The following PTDSS1 variants were observed in gnomAD, a reference collection of about 807,000 sequenced individuals.
PTDSS1 encodes PSS-1.
A neutral mutation model predicts 70.5 loss-of-function variants in PTDSS1; 45 were observed. The ratio of observed to expected loss-of-function variants is 0.64; its 90% CI spans 0.50 to 0.82. PTDSS1 has a LOEUF of 0.82. Among genes scored for constraint, PTDSS1 ranks in the 40% least tolerant of loss-of-function variants. The probability of loss-of-function intolerance (pLI) is 0.00; values close to 1 mark genes in which losing one functional copy is unlikely to be tolerated. For synonymous variants in PTDSS1, 188 were observed against 203.8 expected (o/e 0.92, Z 0.66); for missense variants, 417 against 586.1 (o/e 0.71, Z 2.98).
intron 2 of PTDSS1, among the ~76,000 whole-genome samples, chr8:96,281,789 C>A (rs1442323960): frequency 6.6e-6 from 1 of 152,164 alleles, no homozygotes; most frequent in African/African-American, 2.4e-5. Flanking sequence ...AGCCTGGTGA[C>A]ACAGGAGGCT....
chr8:96,315,755 G>A (rs767923276), intron 9 of PTDSS1, among the ~76,000 whole-genome samples: 1 of 152,182 alleles, frequency 6.6e-6, no homozygotes, highest in Non-Finnish European at 1.5e-5. Context: ...CAAGATACAG[G>A]ATGGTGGATG....
chr8:96,273,703 TGTG>T lies in PTDSS1; in HGVS notation c.271+316_271+318del, dbSNP rs562330221. The stretch of plus-strand genomic sequence containing the variant: ...TGACAAATTATAAGCTCTCAATAAA[TGTG>T]GTTGTTTTTGTTGCTGTTTTTGTTA... On this transcript the variant is annotated intron_variant, in intron 2 of 12. Coordinates refer to ENST00000517309, the MANE Select transcript of PTDSS1 (RefSeq NM_014754.3). Among the ~76,000 whole-genome samples, 711 of 152,308 alleles carry T rather than the reference TGTG, an allele frequency of 4.7e-3. 3 individuals carry two copies. The highest frequency in any genetic ancestry group is 0.016 in the African/African-American group (661 of 41,554).
chr8:96,316,363 A>G (rs1300846207), intron 9 of PTDSS1, among the ~76,000 whole-genome samples: 1 of 152,218 alleles, frequency 6.6e-6, no homozygotes, highest in African/African-American at 2.4e-5. Context: ...TGTGGTACAT[A>G]GACACCATGG....
At chr8:96,273,217 T>C (rs1810591038) in intron 1 of PTDSS1, 82 bp from the exon 2 acceptor site, 15 of 1,011,698 alleles carry the variant, frequency 1.5e-5, no homozygotes, top group Non-Finnish European at 2.1e-5. Flanking sequence ...CCCCCAGTTT[T>C]TAGAACATGG....
chr8:96,276,978 G>A (rs55768642), intron 2 of PTDSS1, among the ~76,000 whole-genome samples: 16,622 of 129,040 alleles, frequency 0.13, 3,272 homozygotes, highest in African/African-American at 0.42. Flanking sequence ...GCGCACGCGC[G>A]CGCACACACA....
chr8:96,292,504 T>C (rs1184183750), intron 4 of PTDSS1, among the ~76,000 whole-genome samples: 1 of 152,006 alleles, frequency 6.6e-6, no homozygotes, highest in Non-Finnish European at 1.5e-5. Flanking sequence ...TGGGACCAGA[T>C]CATGAGGCAG....
intron 4 of PTDSS1, among the ~76,000 whole-genome samples, chr8:96,287,852 G>A (rs1810846206): frequency 1.3e-5 from 2 of 152,228 alleles, no homozygotes; most frequent in South Asian, 4.2e-4. Flanking sequence ...TTCACTGACG[G>A]TGAACACTTC....
At chr8:96,326,335 C>G (rs932405679) in intron 10 of PTDSS1, among the ~76,000 whole-genome samples, 11 of 152,100 alleles carry the variant, frequency 7.2e-5, no homozygotes, top group African/African-American at 2.7e-4. Context: ...TTGTACGTAA[C>G]TCTCAGTTCT....
chr8:96,271,769 T>C (rs1281681784), intron 1 of PTDSS1, among the ~76,000 whole-genome samples: 1 of 152,218 alleles, frequency 6.6e-6, no homozygotes, highest in Non-Finnish European at 1.5e-5. Flanking sequence ...GTTTCTATTT[T>C]AACTTACCAT....
At chr8:96,288,545 C>T (rs1269262661) in intron 4 of PTDSS1, among the ~76,000 whole-genome samples, 1 of 151,130 alleles carries the variant, frequency 6.6e-6, no homozygotes. Flanking sequence ...AGGCTGGTCG[C>T]AAACTCCTGA....
chr8:96,310,310 G>A (rs549026268), intron 9 of PTDSS1, among the ~76,000 whole-genome samples: 6 of 151,158 alleles, frequency 4.0e-5, no homozygotes, highest in South Asian at 2.1e-4. Context: ...GATTACAGGT[G>A]CGCACCACCA....
Position 96,281,973 on chromosome 8 carries a change from G to T in PTDSS1, c.272-2136G>T, listed in dbSNP as rs193148300. 3.2e-4 allele frequency among the ~76,000 whole-genome samples: 49 copies of T among 152,308 alleles called. 3 individuals carry two copies. Among genetic ancestry groups the T allele is most frequent in the Admixed American group, 2.1e-3 (32 of 15,304 alleles). On this transcript the variant is annotated intron_variant, in intron 2 of 12. Transcript: ENST00000517309. ...TGGTGCATAGTAAGTGCTCAGGAAGGTACTGCTGACTCCTGTCGTTATGAT... is the reference window on the plus strand; with the variant it reads ...TGGTGCATAGTAAGTGCTCAGGAAGTTACTGCTGACTCCTGTCGTTATGAT...
intron 6 of PTDSS1, among the ~76,000 whole-genome samples, chr8:96,303,646 T>A (rs946095251): frequency 6.6e-6 from 1 of 152,202 alleles, no homozygotes; most frequent in Non-Finnish European, 1.5e-5. Flanking sequence ...AAACTTTTAA[T>A]TGAGTGATTT....
intron 12 of PTDSS1, 150 bp from the exon 13 acceptor site, chr8:96,333,307 G>A: frequency 1.4e-6 from 1 of 710,434 alleles, no homozygotes; most frequent in South Asian, 1.7e-5. Flanking sequence ...GTGTTTGAGA[G>A]CCTCGCCTTC....
At position 96,297,121 on chromosome 8, in the gene PTDSS1, T is replaced by C. The variant is rs1483232437; in HGVS notation, c.600+1865T>C. Among the ~76,000 whole-genome samples, 6 of 152,344 alleles carry C rather than the reference T, an allele frequency of 3.9e-5. No individual in the cohort carries two copies. The East Asian group carries it at 9.6e-4, about 24-fold the overall frequency. On this transcript the variant is annotated intron_variant, in intron 5 of 12. Transcript: ENST00000517309. The stretch of plus-strand genomic sequence containing the variant: ...TTCACTATTTATTGCCAAATGATCC[T>C]CTTTAGACCCCACCAGACCAAGGCT...
intron 5 of PTDSS1, among the ~76,000 whole-genome samples, chr8:96,297,776 A>G (rs948107635): frequency 2.6e-5 from 4 of 152,138 alleles, no homozygotes; most frequent in African/African-American, 9.7e-5. Flanking sequence ...TCTCCTTTGA[A>G]ATGCTCCTCA....
At chr8:96,288,610 G>T (rs1294897734) in intron 4 of PTDSS1, among the ~76,000 whole-genome samples, 2 of 141,228 alleles carry the variant, frequency 1.4e-5, no homozygotes, top group Non-Finnish European at 3.0e-5. Context: ...ACAGGCATGA[G>T]CCACCACGCT....
In PTDSS1 at chr8:96,333,624, C is replaced by G; in HGVS notation, c.*58C>G. On this transcript the variant is annotated 3_prime_UTR_variant, in exon 13 of 13. Coordinates refer to ENST00000517309, the MANE Select transcript of PTDSS1 (RefSeq NM_014754.3). ...GCCTAGAACTGAGAGGGAAATGGAA[C>G]TCATTTGGAACTCCCCGTGAGGAGG... 3.9e-6 allele frequency: 6 copies of G among 1,520,644 alleles called. No individual in the cohort carries two copies. Among genetic ancestry groups the G allele is most frequent in the Non-Finnish European group, 5.5e-6 (6 of 1,095,408 alleles). 94.2% of individuals were successfully genotyped at this position (1,520,644 alleles called of 1,614,324 possible).
intron 9 of PTDSS1, among the ~76,000 whole-genome samples, chr8:96,313,543 G>A (rs60195003): frequency 0.015 from 2,329 of 152,332 alleles, 68 homozygotes; most frequent in African/African-American, 0.053. Flanking sequence ...TAGAAGCAGT[G>A]TTTTATCGCC....
Sources: gnomAD v4.1 joint callset for allele counts (sites outside exome capture counted in the v4.1 genomes callset) on GRCh38, gnomAD v4.1.1 for gene constraint, MANE v1.5 for transcripts, NCBI Gene and HGNC (gene_info 2026-07-23, HGNC 2026-07-21) for gene names.